The following ATP1B1 variants were observed in gnomAD, a reference collection of about 807,000 sequenced individuals.
ATP1B1 encodes ATPase Na+/K+ transporting subunit beta 1, also known as sodium/potassium-transporting ATPase subunit beta-1.
Under a neutral mutation model 39.6 loss-of-function variants are expected in ATP1B1, and 3 were observed. That is an observed-to-expected ratio of 0.08 (90% confidence interval 0.03 to 0.20). The LOEUF is 0.20. Among genes scored for constraint, ATP1B1 ranks in the 10% least tolerant of loss-of-function variants. The probability of loss-of-function intolerance (pLI) is 1.00; values close to 1 mark genes in which losing one functional copy is unlikely to be tolerated. For missense variants in ATP1B1, 216 were observed against 371.1 expected, an observed-to-expected ratio of 0.58 and a Z score of 3.43; for synonymous variants, 139 against 135.0, an observed-to-expected ratio of 1.03 and a Z score of -0.20.
chr1:169,129,949 A>G lies in ATP1B1; in HGVS notation c.568-61A>G. The G allele has an allele frequency of 8.4e-6, 13 of 1,548,732 alleles. No individual in the cohort carries two copies. In the South Asian group the frequency reaches 1.4e-4, roughly 16 times the overall value. ...CTTGTTTGGACTACGGAGTAGTTTTATTTTTCAGAAACTTAAGAAATCATT... is the reference window on the plus strand; with the variant it reads ...CTTGTTTGGACTACGGAGTAGTTTTGTTTTTCAGAAACTTAAGAAATCATT... On this transcript the variant is annotated intron_variant, in intron 4 of 5. Coordinates refer to ENST00000367815, the MANE Select transcript of ATP1B1 (RefSeq NM_001677.4).
At position 169,120,518 on chromosome 1, in the gene ATP1B1, A is replaced by G. The variant is rs1657955430; in HGVS notation, c.227-4366A>G. Reference sequence around the variant, plus strand: ...CTCTGTTACTTAAAATGGAAAGGACAGGGCAGAGGCTTTGGCCTAGGGTCT... The same window carrying G: ...CTCTGTTACTTAAAATGGAAAGGACGGGGCAGAGGCTTTGGCCTAGGGTCT... On this transcript the variant is annotated intron_variant, in intron 2 of 5. Coordinates refer to ENST00000367815, the MANE Select transcript of ATP1B1 (RefSeq NM_001677.4). Among the ~76,000 whole-genome samples, 3 of 152,194 alleles carry G rather than the reference A, an allele frequency of 2.0e-5. No individual in the cohort carries two copies. The South Asian group carries it at 6.2e-4, about 32-fold the overall frequency.
At chr1:169,121,520 ACT>A (rs977306611) in intron 2 of ATP1B1, among the ~76,000 whole-genome samples, 2 of 151,862 alleles carry the variant, frequency 1.3e-5, no homozygotes, top group African/African-American at 4.8e-5. Context: ...TCCTGTTCTT[ACT>A]CTCCTTTTTT....
At position 169,131,468 on chromosome 1, in the gene ATP1B1, G is replaced by A. The variant is rs572413471; in HGVS notation, c.825G>A (p.Glu275=). 14 of 1,614,208 alleles carry A rather than the reference G, an allele frequency of 8.7e-6. No individual in the cohort carries two copies. The highest frequency in any genetic ancestry group is 6.7e-5 in the East Asian group (3 of 44,886). The change falls in exon 6 of 6, where the codon GAG becomes GAA. Residue 275 remains glutamate, a synonymous_variant. Transcript: ENST00000367815. The surrounding 1 kb of genome is among the most constrained non-coding windows in gnomAD (Gnocchi z 4.4). ...NLTMDTEIRI[E]CKAYGENIGY... ...CCATGGACACTGAAATTCGCATAGA[G>A]TGTAAGGCGTACGGTGAGAACATTG... is the stretch of plus-strand genomic sequence containing the variant.
chr1:169,118,301 G>C (rs1015395485), intron 2 of ATP1B1, among the ~76,000 whole-genome samples: 1 of 152,202 alleles, frequency 6.6e-6, no homozygotes, highest in Non-Finnish European at 1.5e-5. Flanking sequence ...TAAACATCCA[G>C]ATTGGCTGTA....
Position 169,127,084 on chromosome 1 carries a change from T to C in ATP1B1, c.383-140T>C, listed in dbSNP as rs1658102891. 1.1e-5 allele frequency: 10 copies of C among 876,150 alleles called. 1 individual carries two copies. The South Asian group carries it at 2.5e-4, about 22-fold the overall frequency. 54.3% of individuals were successfully genotyped at this position (876,150 alleles called of 1,614,324 possible). Reference sequence around the variant, plus strand: ...GTGAGAGATGGTTTTCCTGGAGATCTTGCTTAATTCAGATCATGCATTAAA... The same window carrying C: ...GTGAGAGATGGTTTTCCTGGAGATCCTGCTTAATTCAGATCATGCATTAAA... On this transcript the variant is annotated intron_variant, in intron 3 of 5. Coordinates refer to ENST00000367815, the MANE Select transcript of ATP1B1 (RefSeq NM_001677.4).
At chr1:169,124,857 TA>T in intron 2 of ATP1B1, 26 bp from the exon 3 acceptor site, 1 of 1,605,128 alleles carries the variant, frequency 6.2e-7, no homozygotes, top group Non-Finnish European at 8.5e-7. Context: ...GCCTTCCTAC[TA>T]ATGTTTTTCT....
intron 2 of ATP1B1, among the ~76,000 whole-genome samples, chr1:169,114,305 A>G (rs186468855): frequency 4.4e-4 from 67 of 152,282 alleles, no homozygotes; most frequent in African/African-American, 1.6e-3. Flanking sequence ...TAAAGCCTCC[A>G]TTTTCATGTT....
chr1:169,122,396 G>C (rs1657995724), intron 2 of ATP1B1, among the ~76,000 whole-genome samples: 1 of 152,144 alleles, frequency 6.6e-6, no homozygotes, highest in Admixed American at 6.5e-5. Flanking sequence ...GGGTAACTCT[G>C]TTTACCATTG....
At chr1:169,120,769 G>A (rs1032571343) in intron 2 of ATP1B1, among the ~76,000 whole-genome samples, 3 of 152,178 alleles carry the variant, frequency 2.0e-5, no homozygotes, top group African/African-American at 7.2e-5. Context: ...GGTTGAAAGG[G>A]ATGTGATTCC....
chr1:169,132,005 A>C lies in ATP1B1; in HGVS notation c.*450A>C, dbSNP rs1658233358. On this transcript the variant is annotated 3_prime_UTR_variant, in exon 6 of 6. Coordinates refer to ENST00000367815, the MANE Select transcript of ATP1B1 (RefSeq NM_001677.4). Reference sequence around the variant, plus strand: ...AAGGTGTAAATATTCAACGGGAATAAAACTGGCATGGTAATTTTTTTTTTT... The same window carrying C: ...AAGGTGTAAATATTCAACGGGAATACAACTGGCATGGTAATTTTTTTTTTT... The C allele has an allele frequency of 3.0e-6, 1 of 332,112 alleles. No homozygotes were observed. Among genetic ancestry groups the C allele is most frequent in the Non-Finnish European group, 5.6e-6 (1 of 177,958 alleles). 20.6% of individuals were successfully genotyped at this position (332,112 alleles called of 1,614,324 possible).
chr1:169,106,982 C>T (rs1182590256), intron 1 of ATP1B1, 56 bp downstream of exon 1: 6 of 1,494,094 alleles, frequency 4.0e-6, no homozygotes, highest in Non-Finnish European at 4.5e-6. Context: ...CCGGGCGGCG[C>T]ATCCCCTGCG....
At chr1:169,123,496 G>C (rs376773238) in intron 2 of ATP1B1, among the ~76,000 whole-genome samples, 9 of 151,988 alleles carry the variant, frequency 5.9e-5, no homozygotes, top group Non-Finnish European at 4.4e-5. Context: ...ATCTGGGAGT[G>C]AGGAGTAGAA....
chr1:169,110,684 C>G (rs1657710616), intron 1 of ATP1B1: 1 of 1,281,352 alleles, frequency 7.8e-7, no homozygotes, highest in African/African-American at 1.6e-5. Context: ...TGTTCCAGTT[C>G]CAGAAGATGG....
chr1:169,122,946 C>T (rs1271648992), intron 2 of ATP1B1, among the ~76,000 whole-genome samples: 1 of 152,084 alleles, frequency 6.6e-6, no homozygotes, highest in Non-Finnish European at 1.5e-5. Context: ...CTGTGCCTTG[C>T]TCCAGTGATT....
rs1658262895 is a variant in ATP1B1 at position 169,132,612 on chromosome 1, G to A, written c.*1057G>A. 5 of 574,742 alleles carry A rather than the reference G, an allele frequency of 8.7e-6. No individual in the cohort carries two copies. The East Asian group carries it at 1.5e-4, about 17-fold the overall frequency. The allele number at this position is 574,742 out of a possible 1,614,324, so 35.6% of individuals were successfully genotyped here. Reference sequence around the variant, plus strand: ...AGACTGGTGTTAAATGTTGTCTACAGTGCAAAATCCATGTTCTAACATATG... The same window carrying A: ...AGACTGGTGTTAAATGTTGTCTACAATGCAAAATCCATGTTCTAACATATG... On this transcript the variant is annotated 3_prime_UTR_variant, in exon 6 of 6. Transcript: ENST00000367815.
chr1:169,112,171 T>C (rs1200139), intron 2 of ATP1B1, among the ~76,000 whole-genome samples: 129,334 of 152,296 alleles, frequency 0.85, 55,456 homozygotes, highest in East Asian at 0.99. Context: ...TAACTGTCTC[T>C]TTTAGCTCTT....
intron 1 of ATP1B1, among the ~76,000 whole-genome samples, chr1:169,110,252 C>T (rs12081155): frequency 2.6e-5 from 4 of 152,086 alleles, no homozygotes; most frequent in Admixed American, 6.6e-5. Context: ...CCCTCCCTGG[C>T]CCCCTCCTAC....
At chr1:169,122,168 T>G (rs1657991815) in intron 2 of ATP1B1, among the ~76,000 whole-genome samples, 1 of 152,226 alleles carries the variant, frequency 6.6e-6, no homozygotes, top group South Asian at 2.1e-4. Context: ...TCTGGCTGCC[T>G]ATGCACTGGC....
In ATP1B1 at chr1:169,132,644, T is replaced by C. The variant is rs1463711945; in HGVS notation, c.*1089T>C. On this transcript the variant is annotated 3_prime_UTR_variant, in exon 6 of 6. Coordinates refer to ENST00000367815, the MANE Select transcript of ATP1B1 (RefSeq NM_001677.4). ...ATCCATGTTCTAACATATGTAATAATTGCCAGGAGTACAGTGCTCTTGTTG... is the reference window on the plus strand; with the variant it reads ...ATCCATGTTCTAACATATGTAATAACTGCCAGGAGTACAGTGCTCTTGTTG... 8 of 695,468 alleles carry C rather than the reference T, an allele frequency of 1.2e-5. No homozygotes were observed. The highest frequency in any genetic ancestry group is 1.7e-5 in the Non-Finnish European group (7 of 419,040). The allele number at this position is 695,468 out of a possible 1,614,324, so 43.1% of individuals were successfully genotyped here.
Sources: gnomAD v4.1 joint callset for allele counts (sites outside exome capture counted in the v4.1 genomes callset) on GRCh38, gnomAD v4.1.1 for gene constraint, Gnocchi (gnomAD v3.1) non-coding constraint, MANE v1.5 for transcripts, NCBI Gene and HGNC (gene_info 2026-07-23, HGNC 2026-07-21) for gene names.